Variants in USP15 observed in about 807,000 individuals in gnomAD.
The protein encoded by USP15 is ubiquitin specific peptidase 15, also known as ubiquitin carboxyl-terminal hydrolase 15.
A neutral mutation model predicts 127.1 loss-of-function variants in USP15; 18 were observed. That is an observed-to-expected ratio of 0.14 (90% CI 0.10 to 0.21). The LOEUF (loss-of-function observed/expected upper bound fraction) is 0.21. Among genes scored for constraint, USP15 ranks in the 10% least tolerant of loss-of-function variants. The pLI is 1.00. For missense variants in USP15, 805 were observed against 1,159.9 expected (o/e 0.69, Z 4.44); for synonymous variants, 364 against 393.7 (o/e 0.92, Z 0.89).
At chr12:62,273,491 T>TAGA (rs1485560506) in intron 1 of USP15, among the ~76,000 whole-genome samples, 11 of 152,088 alleles carry the variant, frequency 7.2e-5, no homozygotes, top group Admixed American at 6.6e-4. Context: ...CTGAGTAACT[T>TAGA]TTCTAAGACT....
Position 62,409,482 on chromosome 12 carries a change from T to C in USP15, c.*5107T>C, listed in dbSNP as rs1474218540. The C allele has an allele frequency of 6.6e-6, 1 of 152,174 alleles. No homozygotes were observed. The highest frequency in any genetic ancestry group is 1.5e-5 in the Non-Finnish European group (1 of 68,006). 9.4% of individuals were successfully genotyped at this position (152,174 alleles called of 1,614,324 possible). On this transcript the variant is annotated 3_prime_UTR_variant, in exon 22 of 22. Transcript: ENST00000280377. The stretch of plus-strand genomic sequence containing the variant: ...ACACACTTTCAATATGCACAAAATA[T>C]ATTTTAAATGTTTAAGTTGTATTGG...
chr12:62,408,513 G>C lies in USP15; in HGVS notation c.*4138G>C, dbSNP rs1341788726. The C allele has an allele frequency of 6.6e-6, 1 of 152,100 alleles. No individual in the cohort carries two copies. The highest frequency in any genetic ancestry group is 1.9e-4 in the East Asian group (1 of 5,196). 9.4% of individuals were successfully genotyped at this position (152,100 alleles called of 1,614,324 possible). Reference sequence around the variant, plus strand: ...GCTCCTTTCTAGGGCCATAGAATAAGAGTAGAAGTTTTTGCTCATTTTTTT... The same window carrying C: ...GCTCCTTTCTAGGGCCATAGAATAACAGTAGAAGTTTTTGCTCATTTTTTT... On this transcript the variant is annotated 3_prime_UTR_variant, in exon 22 of 22. Coordinates refer to ENST00000280377, the MANE Select transcript of USP15 (RefSeq NM_001252078.2).
intron 4 of USP15, among the ~76,000 whole-genome samples, chr12:62,318,617 G>A (rs1452305533): frequency 2.0e-5 from 3 of 152,000 alleles, no homozygotes; most frequent in Admixed American, 1.3e-4. Context: ...TATTTTCCAT[G>A]TGTTGATATC....
intron 1 of USP15, among the ~76,000 whole-genome samples, chr12:62,288,032 A>G (rs972672371): frequency 1.3e-5 from 2 of 152,140 alleles, no homozygotes; most frequent in African/African-American, 4.8e-5. Context: ...TGATGCCTCC[A>G]GCTTTGTTCT....
At chr12:62,327,525 A>C (rs2065162200) in intron 6 of USP15, 2 of 357,506 alleles carry the variant, frequency 5.6e-6, no homozygotes, top group Non-Finnish European at 1.1e-5. Flanking sequence ...GTTATTTTTG[A>C]AATTACAAAA....
In USP15 at chr12:62,266,716, CAAAAG is replaced by C. The variant is rs923843549; in HGVS notation, c.89+6216_89+6220del. 8.0e-4 allele frequency among the ~76,000 whole-genome samples: 121 copies of C among 152,012 alleles called. 1 individual carries two copies. Among genetic ancestry groups the C allele is most frequent in the African/African-American group, 2.8e-3 (117 of 41,494 alleles). ...TATGTGCATTACGAGATTTGATCCT[CAAAAG>C]AAGGACCAAAATATATATATTTATA... On this transcript the variant is annotated intron_variant, in intron 1 of 21. Transcript: ENST00000280377.
At chr12:62,287,129 A>G (rs562062092) in intron 1 of USP15, among the ~76,000 whole-genome samples, 3 of 152,140 alleles carry the variant, frequency 2.0e-5, no homozygotes, top group East Asian at 1.9e-4. Flanking sequence ...GGTATACACG[A>G]ACACAAAATT....
At chr12:62,332,341 G>A (rs1178363773) in intron 6 of USP15, among the ~76,000 whole-genome samples, 1 of 151,856 alleles carries the variant, frequency 6.6e-6, no homozygotes, top group Non-Finnish European at 1.5e-5. Context: ...TTAAAAACAT[G>A]ATCTTTTCTA....
intron 2 of USP15, among the ~76,000 whole-genome samples, chr12:62,299,847 T>C (rs1342788454): frequency 6.6e-6 from 1 of 152,210 alleles, no homozygotes; most frequent in Non-Finnish European, 1.5e-5. Flanking sequence ...GTCCTTTTTA[T>C]TATAGCCGTC....
At chr12:62,361,367 G>A (rs753308212) in intron 8 of USP15, among the ~76,000 whole-genome samples, 10 of 151,962 alleles carry the variant, frequency 6.6e-5, no homozygotes, top group Non-Finnish European at 1.3e-4. Context: ...AAGTTTTTAT[G>A]TGTTTATCTG....
intron 8 of USP15, among the ~76,000 whole-genome samples, chr12:62,364,042 G>A (rs2066400163): frequency 1.3e-5 from 2 of 152,116 alleles, no homozygotes; most frequent in Admixed American, 6.6e-5. Flanking sequence ...AGTATGGAAT[G>A]TAGATCAGAG....
chr12:62,394,532 A>C (rs1235266336), intron 19 of USP15, among the ~76,000 whole-genome samples: 1 of 152,202 alleles, frequency 6.6e-6, no homozygotes, highest in Non-Finnish European at 1.5e-5. Context: ...TCAAGAATAT[A>C]GCATTTGGCA....
intron 1 of USP15, chr12:62,273,991 A>C (rs549618863): frequency 6.6e-6 from 1 of 152,062 alleles, no homozygotes; most frequent in Non-Finnish European, 1.5e-5. Flanking sequence ...TTATTGTTTC[A>C]TAAAGAGGGA....
Position 62,384,317 on chromosome 12 carries a change from G to A in USP15, c.1473+15G>A, listed in dbSNP as rs777911385. ...AACCTATGCAGGTAAATCATGGGTTGGTTTGTTTTGTTTTTTTTTTTTTTT... is the reference window on the plus strand; with the variant it reads ...AACCTATGCAGGTAAATCATGGGTTAGTTTGTTTTGTTTTTTTTTTTTTTT... On this transcript the variant is annotated intron_variant, in intron 11 of 21. Transcript: ENST00000280377. The A allele has an allele frequency of 1.4e-6, 2 of 1,385,260 alleles. No individual in the cohort carries two copies. Among genetic ancestry groups the A allele is most frequent in the Non-Finnish European group, 1.9e-6 (2 of 1,063,526 alleles). The allele number at this position is 1,385,260 out of a possible 1,614,324, so 85.8% of individuals were successfully genotyped here. A position where few individuals can be genotyped will look rare whatever the true frequency, so the allele number is the denominator to read the frequency against.
At chr12:62,326,351 G>A (rs2065122581) in intron 6 of USP15, among the ~76,000 whole-genome samples, 1 of 152,114 alleles carries the variant, frequency 6.6e-6, no homozygotes, top group Admixed American at 6.5e-5. Flanking sequence ...AATAGAGGTA[G>A]AGGAGTATAT....
At position 62,406,667 on chromosome 12, in the gene USP15, G is replaced by A. The variant is rs376533478; in HGVS notation, c.*2292G>A. The A allele has an allele frequency of 6.6e-6, 1 of 152,140 alleles. No individual in the cohort carries two copies. The highest frequency in any genetic ancestry group is 1.5e-5 in the Non-Finnish European group (1 of 68,012). The allele number at this position is 152,140 out of a possible 1,614,324, so 9.4% of individuals were successfully genotyped here. On this transcript the variant is annotated 3_prime_UTR_variant, in exon 22 of 22. Transcript: ENST00000280377. ...AGGATAATACATATTCTAATTAAAA[G>A]TAGGCATTCAGACTGGGCACGGTGG...
At chr12:62,293,767 A>G (rs1305188813) in intron 1 of USP15, among the ~76,000 whole-genome samples, 1 of 152,208 alleles carries the variant, frequency 6.6e-6, no homozygotes, top group East Asian at 1.9e-4. Context: ...AACCCTTGAT[A>G]ACTGGTTTCC....
intron 11 of USP15, among the ~76,000 whole-genome samples, chr12:62,386,142 G>T (rs1267506002): frequency 2.7e-5 from 4 of 148,116 alleles, no homozygotes; most frequent in African/African-American, 9.9e-5. Flanking sequence ...TTAGCACAGA[G>T]AAATTCGTTT....
At position 62,323,033 on chromosome 12, in the gene USP15, C is replaced by T. The variant is rs200304825; in HGVS notation, c.621+1424C>T. Among the ~76,000 whole-genome samples, 19 of 152,240 alleles carry T rather than the reference C, an allele frequency of 1.2e-4. No individual in the cohort carries two copies. In the East Asian group the frequency reaches 3.5e-3, roughly 28 times the overall value. On this transcript the variant is annotated intron_variant, in intron 5 of 21. Coordinates refer to ENST00000280377, the MANE Select transcript of USP15 (RefSeq NM_001252078.2). The stretch of plus-strand genomic sequence containing the variant: ...ATCCCATACCATCATGTAGGCCAGC[C>T]GTATCAGATTATTCATCCTTCAGGT...
Sources: gnomAD v4.1 joint callset for allele counts (sites outside exome capture counted in the v4.1 genomes callset) on GRCh38, gnomAD v4.1.1 for gene constraint, MANE v1.5 for transcripts, NCBI Gene and HGNC (gene_info 2026-07-23, HGNC 2026-07-21) for gene names.